The following DAB1 variants were observed in gnomAD, a reference collection of about 807,000 sequenced individuals.
The protein encoded by DAB1 is DAB adaptor protein 1, also known as disabled homolog 1.
DAB1 carries 15 observed loss-of-function variants against 64.6 expected under a neutral mutation model. That is an observed-to-expected ratio of 0.23 (90% CI 0.16 to 0.36). The LOEUF is 0.36. DAB1 is among the 10% of genes least tolerant of loss of function. The probability of loss-of-function intolerance (pLI) is 1.00; values close to 1 mark genes in which losing one functional copy is unlikely to be tolerated. For missense variants in DAB1, 596 were observed against 706.7 expected, an observed-to-expected ratio of 0.84 and a Z score of 1.78; for synonymous variants, 235 against 251.9, an observed-to-expected ratio of 0.93 and a Z score of 0.64.
At chr1:58,128,483 C>A (rs1653290870) in intron 5 of DAB1, among the ~76,000 whole-genome samples, 1 of 132,306 alleles carries the variant, frequency 7.6e-6, no homozygotes, top group Admixed American at 7.4e-5. Context: ...GCCAGAACGT[C>A]CAACACTATG....
chr1:57,814,150 C>T (rs1006274531), intron 6 of DAB1, among the ~76,000 whole-genome samples: 2 of 152,102 alleles, frequency 1.3e-5, no homozygotes, highest in Admixed American at 1.3e-4. Flanking sequence ...AAATTGGAGG[C>T]GAGGACACAA....
chr1:57,986,405 A>G (rs1239970825), intron 5 of DAB1, among the ~76,000 whole-genome samples: 2 of 152,186 alleles, frequency 1.3e-5, no homozygotes, highest in African/African-American at 2.4e-5. Context: ...TGTGCCATCT[A>G]TGAGCCAGAA....
chr1:57,635,550 G>A (rs1646042682), intron 7 of DAB1, among the ~76,000 whole-genome samples: 1 of 152,052 alleles, frequency 6.6e-6, no homozygotes, highest in Non-Finnish European at 1.5e-5. Context: ...ATCTGTCACT[G>A]TCTCCCATCA....
intron 5 of DAB1, among the ~76,000 whole-genome samples, chr1:58,105,487 G>A (rs1345589713): frequency 2.0e-5 from 3 of 152,150 alleles, no homozygotes; most frequent in Non-Finnish European, 2.9e-5. Context: ...GTGGGAAAAA[G>A]CACTGGATTA....
At chr1:57,633,354 G>C (rs575112783) in intron 7 of DAB1, among the ~76,000 whole-genome samples, 8 of 152,260 alleles carry the variant, frequency 5.3e-5, no homozygotes, top group Non-Finnish European at 7.3e-5. Flanking sequence ...AGTGGCTTCG[G>C]GATGAAGCCT....
At chr1:57,575,415 C>T (rs184495614) in intron 7 of DAB1, among the ~76,000 whole-genome samples, 5 of 152,256 alleles carry the variant, frequency 3.3e-5, no homozygotes, top group Middle Eastern at 3.4e-3. Flanking sequence ...GTGCAATTCT[C>T]AACCTCATAG....
intron 6 of DAB1, among the ~76,000 whole-genome samples, chr1:57,802,279 T>G (rs367703421): frequency 2.6e-5 from 4 of 152,226 alleles, no homozygotes; most frequent in African/African-American, 9.7e-5. Flanking sequence ...AAGACCAATA[T>G]AGTGATATCT....
chr1:58,388,321 G>A (rs940360320), intron 3 of DAB1, among the ~76,000 whole-genome samples: 4 of 152,178 alleles, frequency 2.6e-5, no homozygotes, highest in Admixed American at 6.5e-5. Flanking sequence ...GCCAGGGATA[G>A]CCATGTGACC....
chr1:58,518,660 T>G (rs1343457994), intron 2 of DAB1, among the ~76,000 whole-genome samples: 5 of 151,752 alleles, frequency 3.3e-5, no homozygotes, highest in Non-Finnish European at 1.5e-5. Context: ...TCCAGGGTTT[T>G]TTTTCCAAAA....
intron 4 of DAB1, among the ~76,000 whole-genome samples, chr1:58,158,577 C>G (rs546526292): frequency 6.6e-6 from 1 of 152,242 alleles, no homozygotes; most frequent in Admixed American, 6.5e-5. Context: ...GGTGGGAGTA[C>G]AGCAAGTCAG....
chr1:57,299,554 C>T (rs938800305), intron 1 of DAB1, among the ~76,000 whole-genome samples: 5 of 151,128 alleles, frequency 3.3e-5, no homozygotes, highest in Middle Eastern at 3.4e-3. Context: ...CACATAGTTT[C>T]ATTAAGTATC....
intron 4 of DAB1, among the ~76,000 whole-genome samples, chr1:58,217,288 A>G (rs774522431): frequency 1.3e-5 from 2 of 152,200 alleles, no homozygotes; most frequent in Non-Finnish European, 2.9e-5. Context: ...ACTACAGGTG[A>G]GTACGCAAGG....
chr1:58,317,545 A>G (rs1662585070), intron 4 of DAB1, among the ~76,000 whole-genome samples: 1 of 152,242 alleles, frequency 6.6e-6, no homozygotes, highest in African/African-American at 2.4e-5. Flanking sequence ...AATGTGGGCA[A>G]CCTCTAAGAA....
At chr1:58,401,129 G>A (rs149668883) in intron 3 of DAB1, among the ~76,000 whole-genome samples, 1 of 152,176 alleles carries the variant, frequency 6.6e-6, no homozygotes, top group African/African-American at 2.4e-5. Context: ...TGAGAATAGT[G>A]ACTGGCATAA....
At chr1:57,000,141 T>G in intron 14 of DAB1, among the ~76,000 whole-genome samples, 1 of 151,206 alleles carries the variant, frequency 6.6e-6, no homozygotes, top group South Asian at 2.1e-4. Flanking sequence ...CCTCCCAGGT[T>G]CACACCATTC....
At chr1:58,539,218 C>G in intron 1 of DAB1, 2 of 872,726 alleles carry the variant, frequency 2.3e-6, no homozygotes, top group African/African-American at 3.3e-5. Context: ...GTTACATTTT[C>G]TCCAGTTAGA....
chr1:58,360,542 C>T (rs1644155532), intron 3 of DAB1, among the ~76,000 whole-genome samples: 2 of 152,166 alleles, frequency 1.3e-5, no homozygotes, highest in South Asian at 2.1e-4. Flanking sequence ...TTCCACTGCA[C>T]TTTCTGGAAA....
chr1:57,421,724 C>T (rs1282902023), intron 1 of DAB1, among the ~76,000 whole-genome samples: 2 of 151,988 alleles, frequency 1.3e-5, no homozygotes, highest in Non-Finnish European at 2.9e-5. Context: ...CATTTGAATG[C>T]TGGGGTTTCA....
At chr1:58,308,169 G>T (rs1190080418) in intron 4 of DAB1, among the ~76,000 whole-genome samples, 2 of 152,124 alleles carry the variant, frequency 1.3e-5, no homozygotes, top group African/African-American at 4.8e-5. Flanking sequence ...ATATAGTTGT[G>T]CAGAACCCAG....
Sources: gnomAD v4.1 joint callset for allele counts (sites outside exome capture counted in the v4.1 genomes callset) on GRCh38, gnomAD v4.1.1 for gene constraint, MANE v1.5 for transcripts, NCBI Gene and HGNC (gene_info 2026-07-23, HGNC 2026-07-21) for gene names.